SBF2: variants seen among roughly 807,000 people sequenced by gnomAD.
The protein encoded by SBF2 is myotubularin-related protein 13.
In SBF2, 112 loss-of-function variants were observed where a neutral mutation model predicts 225.2. The observed-to-expected ratio is 0.50, with a 90% CI of 0.43 to 0.58. The LOEUF is 0.58. Ranked by LOEUF, SBF2 falls within the 20% of genes least tolerant of loss-of-function variation. The probability of loss-of-function intolerance (pLI) is 0.00; values close to 1 mark genes in which losing one functional copy is unlikely to be tolerated. For missense variants in SBF2, 1,996 were observed against 2,206.2 expected (o/e 0.90, Z 1.91); for synonymous variants, 763 against 773.3 (o/e 0.99, Z 0.22).
rs143359932 is a variant in SBF2, at chr11:10,048,537, G to C, written c.142-5556C>G. Among the ~76,000 whole-genome samples, 1,217 of 152,258 alleles carry C rather than the reference G, an allele frequency of 8.0e-3. 66 individuals are homozygous for C. Among genetic ancestry groups the C allele is most frequent in the Admixed American group, 0.076 (1,166 of 15,292 alleles). On this transcript the variant is annotated intron_variant, in intron 2 of 39. Transcript: ENST00000256190. Reference sequence around the variant, plus strand: ...TAAACATTTTAATTTCATTATAACTGGCATTATATATGCCAAACATATTTT... The same window carrying C: ...TAAACATTTTAATTTCATTATAACTCGCATTATATATGCCAAACATATTTT...
intron 9 of SBF2, among the ~76,000 whole-genome samples, chr11:9,996,611 G>A (rs941307849): frequency 2.0e-5 from 3 of 151,878 alleles, no homozygotes; most frequent in African/African-American, 4.8e-5. Context: ...GGCTGGTCTC[G>A]AACTCCTGAC....
chr11:9,913,488 A>G (rs1862816435), intron 16 of SBF2, among the ~76,000 whole-genome samples: 1 of 152,170 alleles, frequency 6.6e-6, no homozygotes, highest in Non-Finnish European at 1.5e-5. Context: ...TTAGAAAAAA[A>G]CATTTGACCT....
intron 32 of SBF2, among the ~76,000 whole-genome samples, chr11:9,797,486 T>G (rs1178934950): frequency 2.0e-5 from 3 of 152,112 alleles, no homozygotes; most frequent in African/African-American, 7.2e-5. Flanking sequence ...AGCCAATGCC[T>G]TCCTGTTGCA....
chr11:9,786,283 A>C (rs1852368075), intron 36 of SBF2, among the ~76,000 whole-genome samples: 1 of 152,186 alleles, frequency 6.6e-6, no homozygotes, highest in African/African-American at 2.4e-5. Context: ...GGGTAAAACA[A>C]GTTTGATAGC....
At position 10,205,019 on chromosome 11, in the gene SBF2, G is replaced by T. The variant is rs535019584; in HGVS notation, c.56-11032C>A. Among the ~76,000 whole-genome samples, 7 of 151,708 alleles carry T rather than the reference G, an allele frequency of 4.6e-5. No homozygotes were observed. In the South Asian group the frequency reaches 1.5e-3, roughly 32 times the overall value. ...ACCGCGGCCTGTTGGGGGGAGGTGGGAGGGGGGAGGCAGAGTATCAGGGTA... is the reference window on the plus strand; with the variant it reads ...ACCGCGGCCTGTTGGGGGGAGGTGGTAGGGGGGAGGCAGAGTATCAGGGTA... On this transcript the variant is annotated intron_variant, in intron 1 of 39. Transcript: ENST00000256190.
At chr11:9,820,641 C>A (rs893501917) in intron 28 of SBF2, among the ~76,000 whole-genome samples, 3 of 152,200 alleles carry the variant, frequency 2.0e-5, no homozygotes, top group Non-Finnish European at 4.4e-5. Flanking sequence ...TCCTACTTAA[C>A]CCTTAAGATC....
At chr11:9,866,276 C>T (rs908478375) in intron 17 of SBF2, among the ~76,000 whole-genome samples, 2 of 151,596 alleles carry the variant, frequency 1.3e-5, no homozygotes, top group African/African-American at 2.4e-5. Flanking sequence ...CAAAGCAATC[C>T]TGAGGAAAAA....
intron 2 of SBF2, among the ~76,000 whole-genome samples, chr11:10,095,394 T>C (rs1457982891): frequency 6.6e-6 from 1 of 152,204 alleles, no homozygotes; most frequent in Non-Finnish European, 1.5e-5. Context: ...GAATGCAAGA[T>C]ATCACTTGCA....
At chr11:10,137,737 T>C (rs1423512472) in intron 2 of SBF2, among the ~76,000 whole-genome samples, 2 of 152,160 alleles carry the variant, frequency 1.3e-5, no homozygotes, top group Non-Finnish European at 2.9e-5. Flanking sequence ...CCGGGCGCGG[T>C]GGTTCACGTC....
intron 16 of SBF2, among the ~76,000 whole-genome samples, chr11:9,931,201 C>G (rs890249283): frequency 5.3e-5 from 8 of 152,256 alleles, no homozygotes; most frequent in African/African-American, 1.9e-4. Context: ...ACGCAGCAGA[C>G]AGCTTCTGCA....
At chr11:9,787,045 G>A (rs1237374748) in intron 36 of SBF2, among the ~76,000 whole-genome samples, 4 of 152,096 alleles carry the variant, frequency 2.6e-5, no homozygotes, top group East Asian at 3.9e-4. Context: ...ACAGGCATGC[G>A]CCACCACACC....
In SBF2 at chr11:9,784,342, G is replaced by C. The variant is rs539959164; in HGVS notation, c.5319+9C>G. 2 of 1,601,946 alleles carry C rather than the reference G, an allele frequency of 1.2e-6. No homozygotes were observed. The highest frequency in any genetic ancestry group is 1.3e-5 in the African/African-American group (1 of 74,804). On this transcript the variant is annotated intron_variant, in intron 38 of 39. Coordinates refer to ENST00000256190, the MANE Select transcript of SBF2 (RefSeq NM_030962.4). Reference sequence around the variant, plus strand: ...CAGAAGTAATTTCTTTTGGCTTTAAGAGTATTACCTGATGTTTTGTTACAT... The same window carrying C: ...CAGAAGTAATTTCTTTTGGCTTTAACAGTATTACCTGATGTTTTGTTACAT...
At chr11:10,260,815 A>G (rs1961354667) in intron 1 of SBF2, among the ~76,000 whole-genome samples, 1 of 151,470 alleles carries the variant, frequency 6.6e-6, no homozygotes, top group African/African-American at 2.4e-5. Flanking sequence ...CAGGAGTCTG[A>G]CATTGCAGTA....
At chr11:10,152,121 A>G (rs1225266377) in intron 2 of SBF2, among the ~76,000 whole-genome samples, 1 of 152,220 alleles carries the variant, frequency 6.6e-6, no homozygotes, top group Non-Finnish European at 1.5e-5. Context: ...AATGCAGATG[A>G]CTTGTAAAAG....
At chr11:10,139,182 AT>A (rs35449321) in intron 2 of SBF2, among the ~76,000 whole-genome samples, 6 of 152,164 alleles carry the variant, frequency 3.9e-5, no homozygotes, top group Non-Finnish European at 5.9e-5. Flanking sequence ...AAAATTACTT[AT>A]TTTTGGGAAA....
chr11:10,246,900 C>A (rs924820765), intron 1 of SBF2, among the ~76,000 whole-genome samples: 2 of 152,088 alleles, frequency 1.3e-5, no homozygotes, highest in African/African-American at 2.4e-5. Flanking sequence ...CATAGTGAGA[C>A]CTTGTCTCTA....
intron 17 of SBF2, among the ~76,000 whole-genome samples, chr11:9,872,412 G>A (rs2134053891): frequency 6.6e-6 from 1 of 152,216 alleles, no homozygotes; most frequent in East Asian, 1.9e-4. Flanking sequence ...ATTTACCTCT[G>A]TGATAAACCT....
At chr11:10,269,343 G>GA (rs999753792) in intron 1 of SBF2, among the ~76,000 whole-genome samples, 1 of 152,182 alleles carries the variant, frequency 6.6e-6, no homozygotes, top group Non-Finnish European at 1.5e-5. Context: ...AGGCGTGCCA[G>GA]TTTGTTCCAA....
At chr11:9,976,944 G>T (rs1256363393) in intron 13 of SBF2, among the ~76,000 whole-genome samples, 2 of 151,650 alleles carry the variant, frequency 1.3e-5, no homozygotes, top group African/African-American at 4.8e-5. Flanking sequence ...TAATTTTTTT[G>T]TATTTTTAGT....
Sources: allele counts gnomAD v4.1 joint callset (sites outside exome capture counted in the v4.1 genomes callset), GRCh38; gene constraint gnomAD v4.1.1; transcripts MANE v1.5; gene names NCBI Gene and HGNC (gene_info 2026-07-23, HGNC 2026-07-21).